Variants in DNAJB14 observed in about 807,000 individuals in gnomAD.
DNAJB14 encodes DnaJ heat shock protein family (Hsp40) member B14.
Under a neutral mutation model 48.4 loss-of-function variants are expected in DNAJB14, and 22 were observed. The observed-to-expected ratio is 0.45, with a 90% CI of 0.32 to 0.65. The LOEUF is 0.65. DNAJB14 is among the 30% of genes least tolerant of loss of function. The pLI is 0.03. For missense variants in DNAJB14, 319 were observed against 458.8 expected (o/e 0.70, Z 2.78); for synonymous variants, 142 against 158.7 (o/e 0.89, Z 0.79).
intron 4 of DNAJB14, 41 bp downstream of exon 4, chr4:99,908,670 T>TAG: frequency 2.1e-6 from 3 of 1,434,556 alleles, no homozygotes; most frequent in Non-Finnish European, 2.8e-6. Context: ...TAAGACTATG[T>TAG]AGCTTCATAA....
At chr4:99,913,910 G>T (rs369361496) in intron 3 of DNAJB14, among the ~76,000 whole-genome samples, 30 of 152,212 alleles carry the variant, frequency 2.0e-4, no homozygotes, top group Admixed American at 3.3e-4. Context: ...CTAGCTTATG[G>T]TTCTATAGGC....
chr4:99,924,754 AC>A, intron 2 of DNAJB14: 6 of 1,611,500 alleles, frequency 3.7e-6, no homozygotes, highest in Non-Finnish European at 5.1e-6. Flanking sequence ...TTTATAAAAT[AC>A]CTACTGTGTG....
chr4:99,905,762 T>A (rs1244964047), intron 5 of DNAJB14, 56 bp from the exon 6 acceptor site: 1 of 1,533,232 alleles, frequency 6.5e-7, no homozygotes, highest in Non-Finnish European at 9.0e-7. Context: ...TTGTTAATAA[T>A]ACAACAGTTG....
At chr4:99,938,728 T>TTTC (rs1489241667) in intron 1 of DNAJB14, among the ~76,000 whole-genome samples, 1 of 152,188 alleles carries the variant, frequency 6.6e-6, no homozygotes, top group Non-Finnish European at 1.5e-5. Flanking sequence ...TTGTGTAAGT[T>TTTC]TGTATTATTC....
Position 99,923,198 on chromosome 4 carries a change from G to C in DNAJB14, c.306-13C>G, listed in dbSNP as rs376649003. ...ACATTTGTTTATGCTGTGAACAAGA[G>C]AGTGTGTTATAATGTAAATTTCAAG... On this transcript the variant is annotated splice_polypyrimidine_tract_variant and intron_variant, in intron 2 of 7. Transcript: ENST00000442697. 3 of 1,601,240 alleles carry C rather than the reference G, an allele frequency of 1.9e-6. No homozygotes were observed. Among genetic ancestry groups the C allele is most frequent in the South Asian group, 2.3e-5 (2 of 87,870 alleles).
chr4:99,923,229 C>A, intron 2 of DNAJB14, 44 bp from the exon 3 acceptor site: 2 of 1,529,056 alleles, frequency 1.3e-6, no homozygotes, highest in South Asian at 1.3e-5. Flanking sequence ...TCAAGGAAGA[C>A]GGTCATGTAA....
intron 2 of DNAJB14, among the ~76,000 whole-genome samples, chr4:99,923,501 T>C (rs1431040372): frequency 6.6e-6 from 1 of 152,118 alleles, no homozygotes; most frequent in Non-Finnish European, 1.5e-5. Context: ...GTAACTAAAA[T>C]GAGACAATAA....
At chr4:99,937,035 C>T (rs1298078955) in intron 1 of DNAJB14, among the ~76,000 whole-genome samples, 4 of 152,138 alleles carry the variant, frequency 2.6e-5, no homozygotes, top group East Asian at 1.9e-4. Flanking sequence ...AGAATAACAT[C>T]GCCAGGCGCA....
intron 1 of DNAJB14, among the ~76,000 whole-genome samples, chr4:99,937,003 T>A (rs187259703): frequency 6.6e-6 from 1 of 152,308 alleles, no homozygotes; most frequent in East Asian, 1.9e-4. Flanking sequence ...CTACAAAACA[T>A]GTATTTATTA....
chr4:99,908,693 A>T lies in DNAJB14; in HGVS notation c.637+18T>A. The T allele has an allele frequency of 6.5e-7, 1 of 1,543,378 alleles. No homozygotes were observed. Among genetic ancestry groups the T allele is most frequent in the Non-Finnish European group, 8.8e-7 (1 of 1,140,258 alleles). On this transcript the variant is annotated intron_variant, in intron 4 of 7. Transcript: ENST00000442697. ...TGTAGCTTCATAAAATATAATATCT[A>T]TAATTACATTAAAATACCTGAAGGA...
At chr4:99,923,765 C>T (rs775089062) in intron 2 of DNAJB14, 38 of 961,958 alleles carry the variant, frequency 4.0e-5, no homozygotes, top group Middle Eastern at 1.1e-3. Context: ...TCTTGAAATT[C>T]GGGCCTCAAA....
At chr4:99,926,461 G>A (rs1424997631) in intron 2 of DNAJB14, 1 of 152,188 alleles carries the variant, frequency 6.6e-6, no homozygotes, top group Admixed American at 6.6e-5. Flanking sequence ...AACAGACTGT[G>A]AGACAAGGTG....
At chr4:99,932,963 C>T (rs929951371) in intron 1 of DNAJB14, among the ~76,000 whole-genome samples, 1 of 152,008 alleles carries the variant, frequency 6.6e-6, no homozygotes, top group African/African-American at 2.4e-5. Context: ...TGAATCATTG[C>T]CAAAGCTGGG....
intron 2 of DNAJB14, chr4:99,925,965 T>G (rs183340375): frequency 6.6e-6 from 1 of 152,316 alleles, no homozygotes; most frequent in African/African-American, 2.4e-5. Flanking sequence ...CATCTTCCTA[T>G]TTCTTTCTTA....
chr4:99,923,852 C>T, intron 2 of DNAJB14: 1 of 984,890 alleles, frequency 1.0e-6, no homozygotes, highest in Non-Finnish European at 1.2e-6. Flanking sequence ...CCCGTTATGC[C>T]AAAGATAATT....
chr4:99,905,556 G>T, intron 6 of DNAJB14, 41 bp downstream of exon 6: 1 of 1,503,244 alleles, frequency 6.7e-7, no homozygotes, highest in Non-Finnish European at 9.2e-7. Flanking sequence ...GTCAGAAATA[G>T]CAACAATTCA....
Position 99,900,318 on chromosome 4 carries a change from A to G in DNAJB14, c.*710T>C, listed in dbSNP as rs1464059204. The G allele has an allele frequency of 6.6e-6, 1 of 151,996 alleles. No individual in the cohort carries two copies. Among genetic ancestry groups the G allele is most frequent in the Admixed American group, 6.6e-5 (1 of 15,256 alleles). 9.4% of individuals were successfully genotyped at this position (151,996 alleles called of 1,614,324 possible). A position where few individuals can be genotyped will look rare whatever the true frequency, so the allele number is the denominator to read the frequency against. ...TAGCCATTTCCTCATATTTTCTTTA[A>G]AATTTATCAGTATAGCATTTCATTT... On this transcript the variant is annotated 3_prime_UTR_variant, in exon 8 of 8. Transcript: ENST00000442697.
At position 99,905,621 on chromosome 4, in the gene DNAJB14, G is replaced by A. The variant is rs924589305; in HGVS notation, c.818C>T (p.Pro273Leu). ...SLLSQLMVSN[P>L]PYSLYPRSGT... ...CGATCTGGGATATAAGGAATAAGGA[G>A]GATTAGAGACCATCAACTGGCTTAA... Residue 273 changes from proline (P) to leucine (L), a missense_variant, in exon 6 of 8, where the codon CCT becomes CTT. Around this residue, in one of 3 missense-constraint regions of DNAJB14, gnomAD observed 166 missense variants for 236.3 expected, o/e 0.70. Transcript: ENST00000442697. 7 of 1,611,122 alleles carry A rather than the reference G, an allele frequency of 4.3e-6. No homozygotes were observed. Among genetic ancestry groups the A allele is most frequent in the Non-Finnish European group, 5.9e-6 (7 of 1,179,224 alleles).
chr4:99,899,333 T>A lies in DNAJB14; in HGVS notation c.*1695A>T, dbSNP rs1442239307. The A allele has an allele frequency of 6.6e-6, 1 of 152,162 alleles. No individual in the cohort carries two copies. The highest frequency in any genetic ancestry group is 1.5e-5 in the Non-Finnish European group (1 of 67,774). The allele number at this position is 152,162 out of a possible 1,614,324, so 9.4% of individuals were successfully genotyped here. On this transcript the variant is annotated 3_prime_UTR_variant, in exon 8 of 8. Transcript: ENST00000442697. ...AATTAAAATGCTATGAACTTATATT[T>A]TTAAAAACTTACTCTGCAGGCTCAA...
Sources: gnomAD v4.1 joint callset for allele counts (sites outside exome capture counted in the v4.1 genomes callset) on GRCh38, gnomAD v4.1.1 for gene constraint, gnomAD v4.1.1 regional missense constraint, MANE v1.5 for transcripts, NCBI Gene and HGNC (gene_info 2026-07-23, HGNC 2026-07-21) for gene names.